The following FGF12 variants were observed in gnomAD, a reference collection of about 807,000 sequenced individuals.
The protein encoded by FGF12 is fibroblast growth factor 12.
Under a neutral mutation model 23.6 loss-of-function variants are expected in FGF12, and 14 were observed. The observed-to-expected ratio is 0.59, with a 90% confidence interval of 0.39 to 0.93. The LOEUF is 0.93. Ranked by LOEUF, FGF12 falls within the 40% of genes least tolerant of loss-of-function variation. The pLI is 0.00. For synonymous variants in FGF12, 62 were observed against 77.3 expected (o/e 0.80, Z 1.04); for missense variants, 175 against 217.8 (o/e 0.80, Z 1.24).
chr3:192,675,789 A>C (rs150393258), intron 2 of FGF12, among the ~76,000 whole-genome samples: 1 of 152,216 alleles, frequency 6.6e-6, no homozygotes, highest in African/African-American at 2.4e-5. Context: ...CAAGTCAACA[A>C]TTCCCTGATG....
intron 2 of FGF12, among the ~76,000 whole-genome samples, chr3:192,366,424 T>C (rs960007586): frequency 6.6e-6 from 1 of 152,182 alleles, no homozygotes; most frequent in Non-Finnish European, 1.5e-5. Flanking sequence ...ATGGGGGCCA[T>C]ATCTAGAGAA....
chr3:192,173,064 T>C (rs1322380878), intron 4 of FGF12, among the ~76,000 whole-genome samples: 1 of 150,880 alleles, frequency 6.6e-6, no homozygotes, highest in African/African-American at 2.4e-5. Context: ...TGATTCCATT[T>C]ATATGAAATG....
chr3:192,368,580 A>C (rs1336293004), intron 2 of FGF12, among the ~76,000 whole-genome samples: 1 of 152,196 alleles, frequency 6.6e-6, no homozygotes, highest in Non-Finnish European at 1.5e-5. Context: ...ATTAATAACC[A>C]ACAGATTAGA....
intron 5 of FGF12, among the ~76,000 whole-genome samples, chr3:192,145,458 G>A (rs895172120): frequency 5.9e-5 from 9 of 152,104 alleles, no homozygotes; most frequent in Non-Finnish European, 8.8e-5. Context: ...AAATGTTACC[G>A]TACATGGGAA....
chr3:192,604,204 C>G (rs1482675307), intron 2 of FGF12, among the ~76,000 whole-genome samples: 3 of 152,042 alleles, frequency 2.0e-5, no homozygotes, highest in Non-Finnish European at 4.4e-5. Flanking sequence ...CGCTGTTATT[C>G]TGTTCTTTTT....
chr3:192,617,377 G>C (rs145018239), intron 2 of FGF12, among the ~76,000 whole-genome samples: 35 of 152,196 alleles, frequency 2.3e-4, no homozygotes, highest in African/African-American at 8.2e-4. Context: ...CACGGAGAGA[G>C]TGGGGTTCAG....
chr3:192,181,866 A>AGTGATCCACCTGCCTCAGCCT lies in FGF12; in HGVS notation c.229-11211_229-11210insAGGCTGAGGCAGGTGGATCAC, dbSNP rs547828904. Among the ~76,000 whole-genome samples, 504 of 152,118 alleles carry AGTGATCCACCTGCCTCAGCCT rather than the reference A, an allele frequency of 3.3e-3. 8 individuals carry two copies. The highest frequency in any genetic ancestry group is 0.032 in the East Asian group (163 of 5,170). ...GGCTGGTTTCGAACTCCTGGGATCA[A>AGTGATCCACCTGCCTCAGCCT]CCCACAGTGCTGGGATTACAGACAT... is the stretch of plus-strand genomic sequence containing the variant. On this transcript the variant is annotated intron_variant, in intron 4 of 5. Coordinates refer to ENST00000445105, the MANE Select transcript of FGF12 (RefSeq NM_004113.6).
intron 2 of FGF12, among the ~76,000 whole-genome samples, chr3:192,647,705 A>G (rs868275771): frequency 1.4e-4 from 20 of 145,280 alleles, no homozygotes; most frequent in African/African-American, 5.1e-4. Flanking sequence ...ATATATGTGT[A>G]TATATACATA....
At chr3:192,515,522 C>G (rs1245822624) in intron 2 of FGF12, 1 of 152,446 alleles carries the variant, frequency 6.6e-6, no homozygotes, top group African/African-American at 2.4e-5. Context: ...AGTCACTTAC[C>G]ACCCTGGGCG....
intron 2 of FGF12, among the ~76,000 whole-genome samples, chr3:192,550,695 G>A (rs1398402426): frequency 6.6e-6 from 1 of 152,028 alleles, no homozygotes; most frequent in Non-Finnish European, 1.5e-5. Flanking sequence ...AAAGTAGGAG[G>A]TAAGCAGAAA....
At chr3:192,306,378 T>C (rs1381111488) in intron 4 of FGF12, among the ~76,000 whole-genome samples, 6 of 152,108 alleles carry the variant, frequency 3.9e-5, no homozygotes, top group African/African-American at 1.4e-4. Context: ...TTGCAGGTTA[T>C]GATTCTCCAA....
Position 192,514,738 on chromosome 3 carries a change from G to A in FGF12, c.14-154200C>T. 3 of 985,438 alleles carry A rather than the reference G, an allele frequency of 3.0e-6. No homozygotes were observed. The highest frequency in any genetic ancestry group is 3.6e-6 in the Non-Finnish European group (3 of 829,936). 61.0% of individuals were successfully genotyped at this position (985,438 alleles called of 1,614,324 possible). On this transcript the variant is annotated intron_variant, in intron 2 of 5. Transcript: ENST00000445105. The surrounding 1 kb of genome is among the most constrained non-coding windows in gnomAD (Gnocchi z 4.9). Reference sequence around the variant, plus strand: ...CAGCATATGCACTCCTTTCTTCAGAGAAAGCTCAAGAATCTTCATGGAGAA... The same window carrying A: ...CAGCATATGCACTCCTTTCTTCAGAAAAAGCTCAAGAATCTTCATGGAGAA...
chr3:192,712,975 T>C (rs952016795), intron 2 of FGF12, among the ~76,000 whole-genome samples: 3 of 152,152 alleles, frequency 2.0e-5, no homozygotes, highest in Non-Finnish European at 4.4e-5. Context: ...CATCTGAGTG[T>C]CTTCAGATGA....
chr3:192,575,558 T>C (rs1171891997), intron 2 of FGF12, among the ~76,000 whole-genome samples: 1 of 152,204 alleles, frequency 6.6e-6, no homozygotes, highest in Non-Finnish European at 1.5e-5. Context: ...AAGTCTCCTG[T>C]TCTCTGCCTC....
intron 4 of FGF12, among the ~76,000 whole-genome samples, chr3:192,176,889 A>G (rs73887254): frequency 0.082 from 12,489 of 152,198 alleles, 657 homozygotes; most frequent in African/African-American, 0.15. Context: ...TCTGTCTCCA[A>G]CTAACACATT....
chr3:192,229,271 C>T lies in FGF12; in HGVS notation c.229-58615G>A, dbSNP rs918232907. Among the ~76,000 whole-genome samples, 4 of 151,746 alleles carry T rather than the reference C, an allele frequency of 2.6e-5. No individual in the cohort carries two copies. In the South Asian group the frequency reaches 6.2e-4, roughly 24 times the overall value. ...TGTCTTTCCATTTTACCAAGCCATA[C>T]TGGTAAAATGTTTATTTATATAATG... On this transcript the variant is annotated intron_variant, in intron 4 of 5. Coordinates refer to ENST00000445105, the MANE Select transcript of FGF12 (RefSeq NM_004113.6).
chr3:192,306,363 G>A (rs1715652016), intron 4 of FGF12, among the ~76,000 whole-genome samples: 1 of 152,022 alleles, frequency 6.6e-6, no homozygotes, highest in South Asian at 2.1e-4. Flanking sequence ...CCCAGTTCAG[G>A]TGAGTTGCAG....
At chr3:192,649,510 CTG>C (rs1461277810) in intron 2 of FGF12, among the ~76,000 whole-genome samples, 4 of 152,038 alleles carry the variant, frequency 2.6e-5, no homozygotes, top group East Asian at 1.9e-4. Context: ...ATCGAGTTTT[CTG>C]TGTTACTAAA....
At chr3:192,510,080 C>G (rs1724424683) in intron 2 of FGF12, among the ~76,000 whole-genome samples, 1 of 152,162 alleles carries the variant, frequency 6.6e-6, no homozygotes, top group South Asian at 2.1e-4. Context: ...CCTTGAATGT[C>G]AGCTGCAGCA....
Sources: gnomAD v4.1 joint callset for allele counts (sites outside exome capture counted in the v4.1 genomes callset) on GRCh38, gnomAD v4.1.1 for gene constraint, Gnocchi (gnomAD v3.1) non-coding constraint, MANE v1.5 for transcripts, NCBI Gene and HGNC (gene_info 2026-07-23, HGNC 2026-07-21) for gene names.